PRKD3: variants seen among roughly 807,000 people sequenced by gnomAD.
The protein encoded by PRKD3 is serine/threonine-protein kinase D3.
In PRKD3, 47 loss-of-function variants were observed where a neutral mutation model predicts 99.2. The observed-to-expected ratio is 0.47, with a 90% CI of 0.38 to 0.60. PRKD3 has a LOEUF of 0.60. Ranked by LOEUF, PRKD3 falls within the 20% of genes least tolerant of loss-of-function variation. The pLI, the probability that PRKD3 is intolerant of heterozygous loss-of-function variation, is 0.00. For synonymous variants in PRKD3, 392 were observed against 355.4 expected (o/e 1.10, Z -1.16); for missense variants, 1,019 against 1,088.4 (o/e 0.94, Z 0.90).
At chr2:37,280,068 T>G in intron 7 of PRKD3, 139 bp from the exon 8 acceptor site, 1 of 582,704 alleles carries the variant, frequency 1.7e-6, no homozygotes, top group Non-Finnish European at 2.8e-6. Flanking sequence ...TTTTTTTTTT[T>G]TGAGATAGAG....
chr2:37,324,665 C>CG lies in PRKD3; in HGVS notation c.-656+15dup, dbSNP rs1367335651. ...TTTTCGGTGTCTGTTCAGCGCTCCCCGAGGCGACTACTTACAGTGGCAGGC... is the reference window on the plus strand; with the variant it reads ...TTTTCGGTGTCTGTTCAGCGCTCCCCGGAGGCGACTACTTACAGTGGCAGGC... On this transcript the variant is annotated intron_variant, in intron 1 of 18. Coordinates refer to ENST00000234179, the MANE Select transcript of PRKD3 (RefSeq NM_005813.6). The CG allele has an allele frequency of 6.6e-5, 10 of 151,312 alleles. No individual in the cohort carries two copies. The allele number at this position is 151,312 out of a possible 1,614,324, so 9.4% of individuals were successfully genotyped here. A position where few individuals can be genotyped will look rare whatever the true frequency, so the allele number is the denominator to read the frequency against.
At chr2:37,281,445 G>A (rs536644734) in intron 7 of PRKD3, among the ~76,000 whole-genome samples, 13 of 152,136 alleles carry the variant, frequency 8.5e-5, no homozygotes, top group Non-Finnish European at 1.5e-4. Context: ...CAAGGCAAGG[G>A]TATTAGGTAG....
At chr2:37,305,531 G>A (rs1671122846) in intron 2 of PRKD3, among the ~76,000 whole-genome samples, 1 of 152,174 alleles carries the variant, frequency 6.6e-6, no homozygotes, top group Non-Finnish European at 1.5e-5. Flanking sequence ...AAAGCAAAAA[G>A]GTGGAGAAGT....
At chr2:37,305,127 A>T (rs2124878524) in intron 2 of PRKD3, among the ~76,000 whole-genome samples, 2 of 152,312 alleles carry the variant, frequency 1.3e-5, no homozygotes, top group East Asian at 3.9e-4. Flanking sequence ...ACATAGAATG[A>T]CAACTGGGTT....
chr2:37,290,052 T>C (rs541331458), intron 4 of PRKD3, among the ~76,000 whole-genome samples: 1 of 152,316 alleles, frequency 6.6e-6, no homozygotes, highest in Non-Finnish European at 1.5e-5. Context: ...CAGAGTTAAA[T>C]CATGACAGAG....
intron 2 of PRKD3, among the ~76,000 whole-genome samples, chr2:37,301,423 T>C (rs1213763204): frequency 2.0e-5 from 3 of 151,908 alleles, no homozygotes; most frequent in African/African-American, 7.3e-5. Context: ...GGCAAACTAA[T>C]TAAAACCAAT....
At chr2:37,318,419 C>T (rs1024537013) in intron 1 of PRKD3, among the ~76,000 whole-genome samples, 12 of 152,132 alleles carry the variant, frequency 7.9e-5, no homozygotes, top group South Asian at 2.1e-4. Flanking sequence ...AAGGCGATAA[C>T]GCAACTTGCC....
chr2:37,312,302 T>G (rs946203088), intron 2 of PRKD3, among the ~76,000 whole-genome samples: 2 of 152,232 alleles, frequency 1.3e-5, no homozygotes, highest in Admixed American at 6.5e-5. Context: ...CAAAAATTAC[T>G]GAATCGTGGA....
At chr2:37,257,315 G>A (rs1437360576) in intron 16 of PRKD3, among the ~76,000 whole-genome samples, 1 of 152,178 alleles carries the variant, frequency 6.6e-6, no homozygotes, top group Non-Finnish European at 1.5e-5. Context: ...TGAATCCTTA[G>A]TGGCCTCACA....
In PRKD3 at chr2:37,275,749, A is replaced by T. The variant is rs1385686510; in HGVS notation, c.1374+18T>A. The T allele has an allele frequency of 6.3e-7, 1 of 1,580,678 alleles. No individual in the cohort carries two copies. The highest frequency in any genetic ancestry group is 8.6e-7 in the Non-Finnish European group (1 of 1,167,878). On this transcript the variant is annotated intron_variant, in intron 10 of 18. Coordinates refer to ENST00000234179, the MANE Select transcript of PRKD3 (RefSeq NM_005813.6). ...CACTATCTTAATGCTTATATTTTTT[A>T]AAGTGTAAAATCCTTACCTTATAAT...
intron 12 of PRKD3, among the ~76,000 whole-genome samples, chr2:37,270,486 C>T (rs1669174031): frequency 6.6e-6 from 1 of 152,040 alleles, no homozygotes; most frequent in South Asian, 2.1e-4. Context: ...TGCTCTTCGC[C>T]CCCTTCCCTT....
chr2:37,267,600 A>T, intron 13 of PRKD3, 64 bp from the exon 14 acceptor site: 2 of 1,180,738 alleles, frequency 1.7e-6, no homozygotes, highest in African/African-American at 3.1e-5. Flanking sequence ...GGAGTTGTCC[A>T]CAGACTGAAA....
intron 1 of PRKD3, among the ~76,000 whole-genome samples, chr2:37,320,130 TAGG>T (rs1198794841): frequency 5.9e-5 from 9 of 152,332 alleles, no homozygotes; most frequent in East Asian, 3.9e-4. Context: ...GCAACAACTC[TAGG>T]AGGTTTAACT....
chr2:37,302,704 A>C (rs1670989177), intron 2 of PRKD3, among the ~76,000 whole-genome samples: 1 of 152,100 alleles, frequency 6.6e-6, no homozygotes, highest in Non-Finnish European at 1.5e-5. Context: ...TGAATGAATA[A>C]TTTATCACTA....
At chr2:37,255,008 G>GT (rs1667818585) in intron 17 of PRKD3, among the ~76,000 whole-genome samples, 1 of 152,116 alleles carries the variant, frequency 6.6e-6, no homozygotes, top group Admixed American at 6.5e-5. Flanking sequence ...TGAAATATTG[G>GT]TAACAAAAGG....
At chr2:37,324,037 T>A (rs1391248778) in intron 1 of PRKD3, among the ~76,000 whole-genome samples, 2 of 152,170 alleles carry the variant, frequency 1.3e-5, no homozygotes, top group African/African-American at 4.8e-5. Context: ...AGTATATGGT[T>A]ATTTTCACTG....
At position 37,277,885 on chromosome 2, in the gene PRKD3, T is replaced by C. The variant is rs764279746; in HGVS notation, c.1277A>G (p.Tyr426Cys). Residue 426 changes from tyrosine (Y) to cysteine (C), a missense_variant, in exon 9 of 19, where the codon TAC becomes TGC. By Grantham distance (194) the Tyr-to-Cys change is radical (BLOSUM62 -2). Transcript: ENST00000234179. ...TMVKEGWMVH[Y>C]TSRDNLRKRH... ...ACTGACCAGGTTATCCCTGCTGGTG[T>C]AATGGACCATCCACCCTTCCTTCAC... 1.5e-5 allele frequency: 25 copies of C among 1,613,606 alleles called. No individual in the cohort carries two copies. In the African/African-American group the frequency reaches 2.7e-4, roughly 17 times the overall value.
rs188648583 is a variant in PRKD3 at position 37,304,652 on chromosome 2, G to C, written c.289-11381C>G. On this transcript the variant is annotated intron_variant, in intron 2 of 18. Transcript: ENST00000234179. ...AGCTACTTGGGAGGCTGGGGCAGGA[G>C]AATCACTTGAACCTGGGAGGTGGAG... Among the ~76,000 whole-genome samples the C allele has an allele frequency of 2.3e-4, 35 of 150,706 alleles. No individual in the cohort carries two copies. In the East Asian group the frequency reaches 6.7e-3, roughly 29 times the overall value.
chr2:37,267,292 A>C (rs955830977), intron 14 of PRKD3, 138 bp downstream of exon 14: 14 of 517,142 alleles, frequency 2.7e-5, no homozygotes, highest in Non-Finnish European at 4.3e-5. Context: ...CCATAAAGCA[A>C]GATATTGGCA....
Sources: allele counts gnomAD v4.1 joint callset (sites outside exome capture counted in the v4.1 genomes callset), GRCh38; gene constraint gnomAD v4.1.1; transcripts MANE v1.5; gene names NCBI Gene and HGNC (gene_info 2026-07-23, HGNC 2026-07-21).